Variants in WDR88 observed in about 807,000 individuals in gnomAD.
WDR88 encodes the protein WD repeat-containing protein 88.
WDR88 carries 40 observed loss-of-function variants against 46.8 expected under a neutral mutation model. The ratio of observed to expected loss-of-function variants is 0.86; its 90% CI spans 0.66 to 1.11. The LOEUF is 1.11. Among genes scored for constraint, WDR88 ranks in the 50% most tolerant of loss-of-function variants. The pLI is 0.00. For synonymous variants in WDR88, 235 were observed against 240.7 expected, an observed-to-expected ratio of 0.98 and a Z score of 0.22; for missense variants, 562 against 602.4, an observed-to-expected ratio of 0.93 and a Z score of 0.70.
intron 10 of WDR88, chr19:33,174,934 G>A: frequency 2.0e-6 from 2 of 985,442 alleles, no homozygotes; most frequent in Non-Finnish European, 2.4e-6. Flanking sequence ...CCTTTGTGGG[G>A]TTAGAGATTC....
intron 6 of WDR88, 101 bp from the exon 7 acceptor site, chr19:33,156,254 G>T: frequency 7.9e-7 from 1 of 1,270,858 alleles, no homozygotes; most frequent in South Asian, 1.4e-5. Flanking sequence ...TGTGCAGCCC[G>T]ACCATGAGCT....
intron 7 of WDR88, 67 bp from the exon 8 acceptor site, chr19:33,160,347 G>T: frequency 7.8e-6 from 12 of 1,533,772 alleles, no homozygotes; most frequent in Non-Finnish European, 9.9e-6. Flanking sequence ...GGCATCTTCA[G>T]CTGGCTTTGG....
At position 33,141,217 on chromosome 19, in the gene WDR88, G is replaced by A. The variant is rs189008693; in HGVS notation, c.387+3430G>A. On this transcript the variant is annotated intron_variant, in intron 2 of 10. Transcript: ENST00000355868. Reference sequence around the variant, plus strand: ...CTCCAAAAGTGCTGGGATTACAGGTGTGGGAGCATGTTTTTTTTTTTTTCT... The same window carrying A: ...CTCCAAAAGTGCTGGGATTACAGGTATGGGAGCATGTTTTTTTTTTTTTCT... 2.3e-3 allele frequency among the ~76,000 whole-genome samples: 288 copies of A among 125,386 alleles called. 1 individual carries two copies. Among genetic ancestry groups the A allele is most frequent in the Middle Eastern group, 8.9e-3 (2 of 224 alleles). 82.3% of individuals were successfully genotyped at this position (125,386 alleles called of 152,430 possible). A position where few individuals can be genotyped will look rare whatever the true frequency, so the allele number is the denominator to read the frequency against.
chr19:33,132,757 A>G (rs1406348109), intron 1 of WDR88, among the ~76,000 whole-genome samples: 1 of 152,168 alleles, frequency 6.6e-6, no homozygotes, highest in East Asian at 1.9e-4. Context: ...AGGTAGGCCC[A>G]CCCACAGTGA....
intron 9 of WDR88, 25 bp from the exon 10 acceptor site, chr19:33,172,323 A>G (rs1419454764): frequency 3.1e-6 from 5 of 1,587,338 alleles, no homozygotes; most frequent in Non-Finnish European, 4.3e-6. Flanking sequence ...CTGTTTTGTG[A>G]CCGCTGGTTT....
At chr19:33,156,816 G>C (rs1252323519) in intron 7 of WDR88, among the ~76,000 whole-genome samples, 8 of 152,172 alleles carry the variant, frequency 5.3e-5, no homozygotes, top group Admixed American at 3.9e-4. Flanking sequence ...GCATGGATGG[G>C]ACAAGAGAGT....
At chr19:33,148,232 C>A (rs1973559731) in intron 4 of WDR88, among the ~76,000 whole-genome samples, 1 of 152,026 alleles carries the variant, frequency 6.6e-6, no homozygotes, top group African/African-American at 2.4e-5. Flanking sequence ...CCCTTCCAGG[C>A]ACCCTCAGCT....
intron 2 of WDR88, 121 bp from the exon 3 acceptor site, chr19:33,144,723 C>A (rs1030960690): frequency 1.2e-6 from 1 of 859,052 alleles, no homozygotes; most frequent in African/African-American, 1.7e-5. Flanking sequence ...AGTCCCAGGA[C>A]CTTGGAGTTC....
intron 6 of WDR88, among the ~76,000 whole-genome samples, chr19:33,153,269 C>T (rs1373984407): frequency 2.8e-5 from 4 of 141,036 alleles, no homozygotes; most frequent in African/African-American, 8.1e-5. Flanking sequence ...CTCATTATGT[C>T]TCCCAAGCTA....
Position 33,132,257 on chromosome 19 carries a change from C to T in WDR88, c.88C>T (p.Pro30Ser), listed in dbSNP as rs1973141529. The change falls in exon 1 of 11, where the codon CCC becomes TCC. Residue 30 changes from proline to serine, a missense_variant. Pro to Ser is a moderately conservative substitution (Grantham distance 74, BLOSUM62 -1). Transcript: ENST00000355868. ...CTCCGCCCCCGCCAGCGAGTATTGTCCCGGCAAGCTGTCCTGGGGGACCAT... is the reference window on the plus strand; with the variant it reads ...CTCCGCCCCCGCCAGCGAGTATTGTTCCGGCAAGCTGTCCTGGGGGACCAT... ...PPSAPASEYCPGKLSWGTMAR... is the reference protein window; with the variant it reads ...PPSAPASEYCSGKLSWGTMAR... The T allele has an allele frequency of 6.2e-7, 1 of 1,613,046 alleles. No homozygotes were observed. Among genetic ancestry groups the T allele is most frequent in the African/African-American group, 1.3e-5 (1 of 75,060 alleles).
chr19:33,165,174 C>A (rs1001596127), intron 9 of WDR88, among the ~76,000 whole-genome samples: 2 of 152,106 alleles, frequency 1.3e-5, no homozygotes, highest in Non-Finnish European at 2.9e-5. Context: ...TGAAGCTTCA[C>A]CCCTGCTCAC....
At chr19:33,149,253 T>G (rs1235083780) in intron 5 of WDR88, among the ~76,000 whole-genome samples, 7 of 151,712 alleles carry the variant, frequency 4.6e-5, no homozygotes, top group Non-Finnish European at 8.8e-5. Flanking sequence ...AACCCGGAGG[T>G]GGAGATTGTA....
chr19:33,147,096 G>T (rs1973534550), intron 3 of WDR88, among the ~76,000 whole-genome samples: 1 of 151,526 alleles, frequency 6.6e-6, no homozygotes, highest in Non-Finnish European at 1.5e-5. Flanking sequence ...AAATAGCCAG[G>T]CATGATGATG....
chr19:33,175,408 G>A lies in WDR88; in HGVS notation c.1255G>A (p.Asp419Asn), dbSNP rs1974106102. The change falls in exon 11 of 11, where the codon GAC (aspartate) becomes AAC (asparagine). Residue 419 changes from aspartate to asparagine, a missense_variant. By Grantham distance (23) the Asp-to-Asn change is conservative. Transcript: ENST00000355868. The part of the protein sequence containing the change: ...GLKLKQCERC[D>N]RPFSIFKSDT... ...TATCCCATGTCAGTGCGAAAGATGT[G>A]ACAGGCCTTTCTCCATCTTCAAGAG... 6.2e-7 allele frequency: 1 copy of A among 1,614,014 alleles called. No individual in the cohort carries two copies. Among genetic ancestry groups the A allele is most frequent in the African/African-American group, 1.3e-5 (1 of 74,922 alleles).
At chr19:33,154,066 G>C (rs191353337) in intron 6 of WDR88, among the ~76,000 whole-genome samples, 15 of 152,190 alleles carry the variant, frequency 9.9e-5, no homozygotes, top group African/African-American at 2.9e-4. Flanking sequence ...AGAACTGTAC[G>C]TGCAGCATAG....
intron 1 of WDR88, among the ~76,000 whole-genome samples, chr19:33,134,633 G>T (rs965442961): frequency 5.7e-4 from 86 of 152,180 alleles, no homozygotes; most frequent in African/African-American, 2.0e-3. Flanking sequence ...CGGGGACTGG[G>T]GCCGCTCCTG....
Position 33,132,207 on chromosome 19 carries a change from A to G in WDR88, c.38A>G (p.Asp13Gly). Residue 13 changes from aspartate to glycine, a missense_variant, in exon 1 of 11, where the codon GAC (aspartate) becomes GGC (glycine). Asp to Gly is a moderately conservative substitution (Grantham distance 94). Coordinates refer to ENST00000355868, the MANE Select transcript of WDR88 (RefSeq NM_173479.4). ...SPPRCSPTAH[D>G]RECKLPPPSA... ...CCGCGGTGCTCCCCGACAGCCCATGACAGGGAATGCAAGTTGCCGCCACCC... is the reference window on the plus strand; with the variant it reads ...CCGCGGTGCTCCCCGACAGCCCATGGCAGGGAATGCAAGTTGCCGCCACCC... The G allele has an allele frequency of 6.2e-7, 1 of 1,607,922 alleles. No homozygotes were observed. Among genetic ancestry groups the G allele is most frequent in the East Asian group, 2.2e-5 (1 of 44,848 alleles).
intron 8 of WDR88, among the ~76,000 whole-genome samples, chr19:33,163,698 C>T (rs897966990): frequency 2.8e-5 from 4 of 144,720 alleles, no homozygotes; most frequent in African/African-American, 7.7e-5. Flanking sequence ...AGTGCATGAT[C>T]ATGACTCACT....
intron 10 of WDR88, chr19:33,174,970 C>T: frequency 1.0e-6 from 1 of 985,478 alleles, no homozygotes; most frequent in Non-Finnish European, 1.2e-6. Flanking sequence ...CCCAGTGGCT[C>T]ACGCCTGTAA....
Sources: gnomAD v4.1 joint callset for allele counts (sites outside exome capture counted in the v4.1 genomes callset) on GRCh38, gnomAD v4.1.1 for gene constraint, MANE v1.5 for transcripts, NCBI Gene and HGNC (gene_info 2026-07-23, HGNC 2026-07-21) for gene names.